Variants in OLA1 observed in about 807,000 individuals in gnomAD.
OLA1 encodes the protein Obg like ATPase 1.
In OLA1, 14 loss-of-function variants were observed where a neutral mutation model predicts 48.4. That is an observed-to-expected ratio of 0.29 (90% CI 0.19 to 0.45). The LOEUF (loss-of-function observed/expected upper bound fraction) is 0.45, where lower values mean the gene tolerates loss of function less well. Ranked by LOEUF, OLA1 falls within the 20% of genes least tolerant of loss-of-function variation. The pLI is 1.00. For synonymous variants in OLA1, 127 were observed against 150.4 expected (o/e 0.84, Z 1.14); for missense variants, 325 against 467.1 (o/e 0.70, Z 2.80).
intron 2 of OLA1, among the ~76,000 whole-genome samples, chr2:174,240,663 C>T (rs1488150198): frequency 1.3e-5 from 2 of 151,980 alleles, no homozygotes; most frequent in Admixed American, 6.6e-5. Flanking sequence ...TCTCTGATAT[C>T]CATAGATACC....
intron 5 of OLA1, among the ~76,000 whole-genome samples, chr2:174,127,453 C>T (rs1218563347): frequency 6.6e-6 from 1 of 152,114 alleles, no homozygotes; most frequent in Non-Finnish European, 1.5e-5. Flanking sequence ...TCTTTGCAGA[C>T]AATTATATAA....
chr2:174,075,490 A>G lies in OLA1; in HGVS notation c.1127T>C (p.Ile376Thr), dbSNP rs1374708367. Residue 376 changes from isoleucine (I) to threonine (T), a missense_variant, in exon 11 of 11, where the codon ATT becomes ACT. By Grantham distance (89) the Ile-to-Thr change is moderately conservative. Transcript: ENST00000284719. ...GAAGATAATATCTCCATCTTCAACA[A>G]TATAATTTCTGCCTTGTTGTCTGTA... ...GKYRQQGRNY[I>T]VEDGDIIFFK... The G allele has an allele frequency of 6.2e-7, 1 of 1,611,170 alleles. No homozygotes were observed. Among genetic ancestry groups the G allele is most frequent in the Non-Finnish European group, 8.5e-7 (1 of 1,177,752 alleles).
chr2:174,171,194 C>T (rs62174165), intron 4 of OLA1, among the ~76,000 whole-genome samples: 7,618 of 152,208 alleles, frequency 0.05, 257 homozygotes, highest in Non-Finnish European at 0.078. Context: ...GAGATCTTAA[C>T]GCCCTTCTCT....
chr2:174,105,384 T>C (rs1011142329), intron 7 of OLA1, among the ~76,000 whole-genome samples: 1 of 151,930 alleles, frequency 6.6e-6, no homozygotes, highest in African/African-American at 2.4e-5. Context: ...GGCAAGAAAA[T>C]GTACTTTGTA....
chr2:174,197,095 C>T (rs1687893828), intron 4 of OLA1, among the ~76,000 whole-genome samples: 1 of 152,044 alleles, frequency 6.6e-6, no homozygotes, highest in Non-Finnish European at 1.5e-5. Flanking sequence ...AAAATCAGAC[C>T]ATGGAGAAGA....
At chr2:174,141,791 T>G in intron 5 of OLA1, 34 bp downstream of exon 5, 3 of 1,492,616 alleles carry the variant, frequency 2.0e-6, no homozygotes, top group Non-Finnish European at 2.7e-6. Flanking sequence ...AATAAACTCT[T>G]GAGTATCTAA....
intron 2 of OLA1, among the ~76,000 whole-genome samples, chr2:174,233,656 T>A (rs1688783080): frequency 6.6e-6 from 1 of 152,234 alleles, no homozygotes; most frequent in Non-Finnish European, 1.5e-5. Context: ...ATTATAGGCG[T>A]GAGCCACTGT....
intron 7 of OLA1, among the ~76,000 whole-genome samples, chr2:174,108,638 T>C (rs993742722): frequency 5.3e-5 from 8 of 152,186 alleles, no homozygotes; most frequent in Admixed American, 5.2e-4. Context: ...GTGCAGAATT[T>C]CTTATGAATT....
At chr2:174,113,238 C>A (rs528085992) in intron 7 of OLA1, among the ~76,000 whole-genome samples, 1 of 152,146 alleles carries the variant, frequency 6.6e-6, no homozygotes, top group Non-Finnish European at 1.5e-5. Flanking sequence ...AGCCACTGTG[C>A]CCAGTCAAAT....
intron 1 of OLA1, 74 bp from the exon 2 acceptor site, chr2:174,246,889 A>T: frequency 1.3e-6 from 1 of 797,340 alleles, no homozygotes; most frequent in South Asian, 1.6e-5. Context: ...TTCATCACAT[A>T]CAATATATTA....
chr2:174,231,145 G>C (rs1036468769), intron 2 of OLA1, among the ~76,000 whole-genome samples: 1 of 152,120 alleles, frequency 6.6e-6, no homozygotes, highest in African/African-American at 2.4e-5. Context: ...TGGTAACACA[G>C]ACTGGCCCAC....
At chr2:174,218,302 T>C (rs1202693968) in intron 4 of OLA1, among the ~76,000 whole-genome samples, 1 of 152,204 alleles carries the variant, frequency 6.6e-6, no homozygotes, top group East Asian at 1.9e-4. Flanking sequence ...TGATTCTGTT[T>C]TCAAATTAAA....
In OLA1 at chr2:174,163,767, TATATATATAA is replaced by T. The variant is rs1351742535; in HGVS notation, c.374-21777_374-21768del. ...ATATATATATATATATATATATATA[TATATATATAA>T]ATAAATGTTTGGGTGCCTGCTTAGA... On this transcript the variant is annotated intron_variant, in intron 4 of 10. Coordinates refer to ENST00000284719, the MANE Select transcript of OLA1 (RefSeq NM_013341.5). Among the ~76,000 whole-genome samples, 64 of 31,772 alleles carry T rather than the reference TATATATATAA, an allele frequency of 2.0e-3. 4 individuals are homozygous for T. In the East Asian group the frequency reaches 0.055, roughly 27 times the overall value. 20.8% of individuals were successfully genotyped at this position (31,772 alleles called of 152,430 possible). A position where few individuals can be genotyped will look rare whatever the true frequency, so the allele number is the denominator to read the frequency against.
intron 7 of OLA1, among the ~76,000 whole-genome samples, chr2:174,101,789 G>C (rs1424799883): frequency 3.9e-5 from 6 of 152,178 alleles, no homozygotes; most frequent in Non-Finnish European, 7.3e-5. Flanking sequence ...TGAAGAGGAA[G>C]AGATGAATAA....
chr2:174,241,712 T>A (rs1010589546), intron 2 of OLA1, among the ~76,000 whole-genome samples: 1 of 152,224 alleles, frequency 6.6e-6, no homozygotes, highest in Non-Finnish European at 1.5e-5. Context: ...CTTGGTTCAC[T>A]GCAACCTCTG....
chr2:174,246,215 A>C (rs1314534933), intron 2 of OLA1, among the ~76,000 whole-genome samples: 4 of 149,808 alleles, frequency 2.7e-5, no homozygotes, highest in Non-Finnish European at 5.9e-5. Context: ...CAGGAGAATC[A>C]CTTGAACCCG....
At chr2:174,158,392 T>C (rs911930189) in intron 4 of OLA1, among the ~76,000 whole-genome samples, 1 of 152,122 alleles carries the variant, frequency 6.6e-6, no homozygotes, top group Non-Finnish European at 1.5e-5. Context: ...TGTATTATAT[T>C]CTTGGTGGGC....
chr2:174,088,133 C>T (rs780756248), intron 7 of OLA1, among the ~76,000 whole-genome samples: 2 of 152,152 alleles, frequency 1.3e-5, no homozygotes, highest in Non-Finnish European at 2.9e-5. Flanking sequence ...AAAGAGGCTC[C>T]AGGGCTGGTT....
chr2:174,241,541 A>C (rs1689003181), intron 2 of OLA1, among the ~76,000 whole-genome samples: 1 of 152,228 alleles, frequency 6.6e-6, no homozygotes, highest in South Asian at 2.1e-4. Context: ...TCAGCTAAAC[A>C]AGACAATTAC....
Sources: allele counts gnomAD v4.1 joint callset (sites outside exome capture counted in the v4.1 genomes callset), GRCh38; gene constraint gnomAD v4.1.1; transcripts MANE v1.5; gene names NCBI Gene and HGNC (gene_info 2026-07-23, HGNC 2026-07-21).